Variants in SUMF1 observed in about 807,000 individuals in gnomAD.
The protein encoded by SUMF1 is sulfatase modifying factor 1.
In SUMF1, 48 loss-of-function variants were observed where a neutral mutation model predicts 47.6. That is an observed-to-expected ratio of 1.01 (90% CI 0.80 to 1.28). The LOEUF (loss-of-function observed/expected upper bound fraction) is 1.28. Ranked by LOEUF, SUMF1 falls within the 50% of genes most tolerant of loss-of-function variation. The pLI is 0.00. For missense variants in SUMF1, 571 were observed against 485.4 expected, an observed-to-expected ratio of 1.18 and a Z score of -1.66; for synonymous variants, 230 against 192.1, an observed-to-expected ratio of 1.20 and a Z score of -1.63.
chr3:4,195,877 CAA>C (rs1695416166), intron 8 of SUMF1, among the ~76,000 whole-genome samples: 1 of 151,812 alleles, frequency 6.6e-6, no homozygotes, highest in South Asian at 2.1e-4. Flanking sequence ...GAAAAAACAC[CAA>C]AATAGATAGC....
chr3:4,362,633 T>A (rs1048166834), intron 8 of SUMF1, among the ~76,000 whole-genome samples: 1 of 152,178 alleles, frequency 6.6e-6, no homozygotes, highest in East Asian at 1.9e-4. Context: ...GATAAAATGT[T>A]AAATGAGGCC....
chr3:4,447,698 C>T (rs1448473152), intron 3 of SUMF1, among the ~76,000 whole-genome samples: 1 of 152,182 alleles, frequency 6.6e-6, no homozygotes, highest in Non-Finnish European at 1.5e-5. Context: ...TCAGCCCTTT[C>T]TAAATAAGCT....
At chr3:4,283,533 CAAT>C (rs1280622992) in intron 8 of SUMF1, among the ~76,000 whole-genome samples, 1 of 152,156 alleles carries the variant, frequency 6.6e-6, no homozygotes, top group Non-Finnish European at 1.5e-5. Flanking sequence ...TAACAAATTA[CAAT>C]AACCTAAGTA....
rs148697779 is a variant in SUMF1, at chr3:4,035,421, C to T, written c.1191+33148G>A. Among the ~76,000 whole-genome samples, 244 of 152,276 alleles carry T rather than the reference C, an allele frequency of 1.6e-3. 2 individuals are homozygous for T. In the South Asian group the frequency reaches 0.023, roughly 15 times the overall value. On this transcript the variant is annotated intron_variant and NMD_transcript_variant, in intron 9 of 12. Coordinates refer to the SUMF1 transcript ENST00000448413. ...TGCGTTCATGTGAGTTTCTCATCTTCTCCCTGTTATCATCCTCTTTTGTCT... is the reference window on the plus strand; with the variant it reads ...TGCGTTCATGTGAGTTTCTCATCTTTTCCCTGTTATCATCCTCTTTTGTCT...
chr3:4,448,830 T>C (rs964490701), intron 3 of SUMF1, among the ~76,000 whole-genome samples: 1 of 152,208 alleles, frequency 6.6e-6, no homozygotes, highest in African/African-American at 2.4e-5. Flanking sequence ...CTTTCTTGAG[T>C]GCTACTCTGA....
intron 8 of SUMF1, among the ~76,000 whole-genome samples, chr3:4,086,359 T>C (rs925005010): frequency 6.6e-6 from 1 of 152,116 alleles, no homozygotes; most frequent in East Asian, 1.9e-4. Flanking sequence ...GGAAAGTCAC[T>C]TCACCTCTCC....
chr3:4,109,908 GCCT>G (rs1241045873), intron 8 of SUMF1, among the ~76,000 whole-genome samples: 1 of 152,040 alleles, frequency 6.6e-6, no homozygotes, highest in Non-Finnish European at 1.5e-5. Context: ...ATTGTCTGAA[GCCT>G]TCTTCTCTCA....
At chr3:4,109,556 G>A (rs1693243195) in intron 8 of SUMF1, among the ~76,000 whole-genome samples, 1 of 152,164 alleles carries the variant, frequency 6.6e-6, no homozygotes, top group East Asian at 1.9e-4. Context: ...TCATTTTCAG[G>A]TACACCAATC....
chr3:4,410,591 C>T (rs1343844677), intron 7 of SUMF1, among the ~76,000 whole-genome samples: 3 of 152,070 alleles, frequency 2.0e-5, no homozygotes, highest in Non-Finnish European at 2.9e-5. Context: ...ATCAAATTTA[C>T]GAGACTGAAT....
At chr3:4,440,720 G>A (rs1702558069) in intron 3 of SUMF1, among the ~76,000 whole-genome samples, 2 of 152,192 alleles carry the variant, frequency 1.3e-5, no homozygotes, top group South Asian at 4.1e-4. Context: ...ACTTTCAGTT[G>A]AAAGAACTTA....
intron 7 of SUMF1, among the ~76,000 whole-genome samples, chr3:4,377,583 C>A (rs1700369104): frequency 6.6e-6 from 1 of 151,536 alleles, no homozygotes; most frequent in South Asian, 2.1e-4. Context: ...GCGTCTACCA[C>A]TGTAATAAGA....
chr3:4,179,507 C>T (rs1240833870), intron 8 of SUMF1, among the ~76,000 whole-genome samples: 1 of 152,124 alleles, frequency 6.6e-6, no homozygotes, highest in Non-Finnish European at 1.5e-5. Context: ...AACTGGATCC[C>T]TTCCTCACAC....
At chr3:4,124,758 A>T (rs952861636) in intron 8 of SUMF1, among the ~76,000 whole-genome samples, 7 of 152,106 alleles carry the variant, frequency 4.6e-5, no homozygotes, top group African/African-American at 1.7e-4. Context: ...CCTACCTACA[A>T]AGAATCAATG....
At chr3:4,064,941 T>A (rs1387272580) in intron 9 of SUMF1, among the ~76,000 whole-genome samples, 4 of 152,190 alleles carry the variant, frequency 2.6e-5, no homozygotes, top group Admixed American at 6.5e-5. Flanking sequence ...ATTAAACTGA[T>A]GTAACAAATG....
intron 3 of SUMF1, among the ~76,000 whole-genome samples, chr3:4,434,489 A>G (rs1167358824): frequency 6.6e-6 from 1 of 152,216 alleles, no homozygotes; most frequent in African/African-American, 2.4e-5. Context: ...CAGTAAAGGA[A>G]ATTTAACTTA....
intron 8 of SUMF1, among the ~76,000 whole-genome samples, chr3:4,177,443 G>A (rs981346956): frequency 1.3e-5 from 2 of 152,094 alleles, no homozygotes; most frequent in Admixed American, 6.5e-5. Flanking sequence ...ATGACTACTG[G>A]GTAAATAATG....
At chr3:4,037,806 A>G (rs890296229) in intron 9 of SUMF1, among the ~76,000 whole-genome samples, 3 of 152,122 alleles carry the variant, frequency 2.0e-5, no homozygotes, top group African/African-American at 7.2e-5. Flanking sequence ...ACTGTGATAT[A>G]GATTGAATAT....
At chr3:4,278,788 A>G (rs1697471387) in intron 8 of SUMF1, among the ~76,000 whole-genome samples, 1 of 152,088 alleles carries the variant, frequency 6.6e-6, no homozygotes, top group African/African-American at 2.4e-5. Flanking sequence ...AATAAAAGAA[A>G]CCCCGGGTTC....
intron 8 of SUMF1, among the ~76,000 whole-genome samples, chr3:4,341,959 T>A (rs1188922927): frequency 6.6e-6 from 1 of 152,220 alleles, no homozygotes; most frequent in Non-Finnish European, 1.5e-5. Flanking sequence ...CAATAAGTAA[T>A]AATTTATACT....
Sources: allele counts gnomAD v4.1 joint callset (sites outside exome capture counted in the v4.1 genomes callset), GRCh38; gene constraint gnomAD v4.1.1; transcripts MANE v1.5; gene names NCBI Gene and HGNC (gene_info 2026-07-23, HGNC 2026-07-21).